The following CDH8 variants were observed in gnomAD, a reference collection of about 807,000 sequenced individuals.
CDH8 encodes cadherin 8.
A neutral mutation model predicts 68.1 loss-of-function variants in CDH8; 17 were observed. The ratio of observed to expected loss-of-function variants is 0.25; its 90% CI spans 0.17 to 0.37. The LOEUF (loss-of-function observed/expected upper bound fraction) is 0.37. Among genes scored for constraint, CDH8 ranks in the 10% least tolerant of loss-of-function variants. CDH8 has a pLI of 1.00. For missense variants in CDH8, 763 were observed against 999.3 expected (o/e 0.76, Z 3.19); for synonymous variants, 372 against 365.1 (o/e 1.02, Z -0.21).
chr16:61,921,031 A>C (rs1964356182), intron 2 of CDH8, among the ~76,000 whole-genome samples: 2 of 147,540 alleles, frequency 1.4e-5, no homozygotes, highest in South Asian at 4.3e-4. Flanking sequence ...GCATATTCTC[A>C]CTCGTAGGTG....
At chr16:61,890,908 G>A (rs372385853) in intron 3 of CDH8, among the ~76,000 whole-genome samples, 2 of 152,090 alleles carry the variant, frequency 1.3e-5, no homozygotes, top group African/African-American at 2.4e-5. Context: ...AGCTTATGTT[G>A]ATAATGGGAC....
intron 3 of CDH8, among the ~76,000 whole-genome samples, chr16:61,898,513 C>A (rs12597842): frequency 0.28 from 42,291 of 151,836 alleles, 6,024 homozygotes; most frequent in South Asian, 0.32. Flanking sequence ...CATGAAAAGT[C>A]CCCCTGGGTA....
At chr16:61,778,758 C>CA in intron 8 of CDH8, among the ~76,000 whole-genome samples, 1 of 152,132 alleles carries the variant, frequency 6.6e-6, no homozygotes, top group African/African-American at 2.4e-5. Context: ...ATAATGTACC[C>CA]AAGGTTATAT....
chr16:61,662,677 C>G (rs1474180249), intron 10 of CDH8, among the ~76,000 whole-genome samples: 1 of 151,676 alleles, frequency 6.6e-6, no homozygotes, highest in East Asian at 1.9e-4. Flanking sequence ...AAAATACAAT[C>G]AACTATATCT....
At chr16:62,006,229 C>T (rs1965972388) in intron 2 of CDH8, among the ~76,000 whole-genome samples, 2 of 152,260 alleles carry the variant, frequency 1.3e-5, no homozygotes, top group East Asian at 1.9e-4. Context: ...AAGAGCAAAT[C>T]GTGTTCGATA....
intron 7 of CDH8, among the ~76,000 whole-genome samples, chr16:61,792,546 C>T (rs1961402854): frequency 6.6e-6 from 1 of 151,886 alleles, no homozygotes; most frequent in Admixed American, 6.6e-5. Context: ...TGCTAGATTC[C>T]TTTTCCTTCT....
At chr16:61,715,892 G>A (rs562200633) in intron 9 of CDH8, among the ~76,000 whole-genome samples, 1 of 151,686 alleles carries the variant, frequency 6.6e-6, no homozygotes, top group South Asian at 2.1e-4. Flanking sequence ...CAGCTGTGCT[G>A]GATTTTCATG....
chr16:61,747,773 C>G (rs1286073693), intron 8 of CDH8, among the ~76,000 whole-genome samples: 1 of 150,876 alleles, frequency 6.6e-6, no homozygotes, highest in Non-Finnish European at 1.5e-5. Context: ...TGTTGGCACA[C>G]TAAAATAAAA....
chr16:61,791,649 C>T (rs1478237609), intron 7 of CDH8, among the ~76,000 whole-genome samples: 1 of 152,026 alleles, frequency 6.6e-6, no homozygotes, highest in Admixed American at 6.6e-5. Flanking sequence ...CACTGATACT[C>T]ATGAATCCCA....
chr16:61,841,483 T>G (rs1962682197), intron 4 of CDH8, among the ~76,000 whole-genome samples: 1 of 152,048 alleles, frequency 6.6e-6, no homozygotes, highest in Non-Finnish European at 1.5e-5. Context: ...TCAAAACAAT[T>G]GAACTCATGA....
At chr16:62,031,103 C>T (rs1396482061) in intron 1 of CDH8, among the ~76,000 whole-genome samples, 2 of 152,104 alleles carry the variant, frequency 1.3e-5, no homozygotes, top group Non-Finnish European at 2.9e-5. Context: ...ATTTTTTTGC[C>T]AATAAAATAT....
intron 7 of CDH8, among the ~76,000 whole-genome samples, chr16:61,802,120 A>G (rs1961660155): frequency 1.5e-5 from 2 of 135,466 alleles, no homozygotes; most frequent in South Asian, 4.8e-4. Context: ...TGGAGATCTG[A>G]GAACGGGCAG....
chr16:62,033,050 T>C (rs1902365640), intron 1 of CDH8, among the ~76,000 whole-genome samples: 1 of 152,158 alleles, frequency 6.6e-6, no homozygotes, highest in Non-Finnish European at 1.5e-5. Context: ...TCTTTGGAGT[T>C]TCTGTGCTTT....
intron 1 of CDH8, among the ~76,000 whole-genome samples, chr16:62,034,217 A>ACACACGCG (rs1039068798): frequency 3.3e-5 from 5 of 151,370 alleles, no homozygotes; most frequent in Admixed American, 1.3e-4. Flanking sequence ...ACACACACAC[A>ACACACGCG]CGCACACGAA....
chr16:61,920,960 T>C (rs1385748192), intron 2 of CDH8, among the ~76,000 whole-genome samples: 1 of 148,564 alleles, frequency 6.7e-6, no homozygotes, highest in Non-Finnish European at 1.5e-5. Context: ...TGTAGGGACA[T>C]GGATGAAATT....
At chr16:61,925,276 TAAG>T (rs1964439012) in intron 2 of CDH8, among the ~76,000 whole-genome samples, 1 of 152,142 alleles carries the variant, frequency 6.6e-6, no homozygotes, top group East Asian at 1.9e-4. Context: ...CAAAATAAAA[TAAG>T]AAGAGCAAAC....
intron 2 of CDH8, among the ~76,000 whole-genome samples, chr16:62,015,333 T>C (rs1388789717): frequency 5.3e-5 from 8 of 152,100 alleles, no homozygotes; most frequent in African/African-American, 1.9e-4. Context: ...ATATCTCAAA[T>C]CTGAAATACT....
intron 3 of CDH8, among the ~76,000 whole-genome samples, chr16:61,897,060 A>T (rs1963879686): frequency 6.7e-6 from 1 of 148,256 alleles, no homozygotes; most frequent in Non-Finnish European, 1.5e-5. Context: ...TAATACATAT[A>T]TATCTTTATT....
intron 2 of CDH8, among the ~76,000 whole-genome samples, chr16:61,986,624 A>G (rs1965633646): frequency 6.6e-6 from 1 of 152,218 alleles, no homozygotes; most frequent in African/African-American, 2.4e-5. Context: ...TATGTGTCCA[A>G]GCAGTCCTTA....
Sources: allele counts gnomAD v4.1 joint callset (sites outside exome capture counted in the v4.1 genomes callset), GRCh38; gene constraint gnomAD v4.1.1; transcripts MANE v1.5; gene names NCBI Gene and HGNC (gene_info 2026-07-23, HGNC 2026-07-21).